CREB5: variants seen among roughly 807,000 people sequenced by gnomAD.
The protein encoded by CREB5 is cAMP responsive element binding protein 5, also known as cyclic AMP-responsive element-binding protein 5.
A neutral mutation model predicts 57.1 loss-of-function variants in CREB5; 19 were observed. That is an observed-to-expected ratio of 0.33 (90% CI 0.23 to 0.49). CREB5 has a LOEUF of 0.49. CREB5 is among the 20% of genes least tolerant of loss of function. The pLI is 0.99. For missense variants in CREB5, 579 were observed against 671.6 expected (o/e 0.86, Z 1.52); for synonymous variants, 238 against 238.3 (o/e 1.00, Z 0.01).
intron 3 of CREB5, among the ~76,000 whole-genome samples, chr7:28,505,000 C>G (rs1247819766): frequency 1.3e-5 from 2 of 152,122 alleles, no homozygotes; most frequent in Admixed American, 6.5e-5. Flanking sequence ...ACTTGTGGAT[C>G]GATCCAGCAG....
chr7:28,560,881 T>TGCGCGTGCGTGC (rs1388491335), intron 4 of CREB5, among the ~76,000 whole-genome samples: 1 of 46,206 alleles, frequency 2.2e-5, no homozygotes, highest in Non-Finnish European at 4.1e-5. Flanking sequence ...TGCGCGTGCG[T>TGCGCGTGCGTGC]GCGTGCGTGT....
At chr7:28,434,584 A>T (rs990472979) in intron 1 of CREB5, among the ~76,000 whole-genome samples, 27 of 152,200 alleles carry the variant, frequency 1.8e-4, no homozygotes, top group African/African-American at 5.8e-4. Context: ...GATTATTGTA[A>T]CTCAATAATT....
intron 5 of CREB5, among the ~76,000 whole-genome samples, chr7:28,638,245 A>G (rs765653524): frequency 1.4e-5 from 2 of 143,634 alleles, no homozygotes; most frequent in African/African-American, 5.3e-5. Flanking sequence ...TCAAATTGCT[A>G]TCTTAAAGAA....
At chr7:28,802,968 T>A (rs777626137) in intron 7 of CREB5, among the ~76,000 whole-genome samples, 1 of 152,268 alleles carries the variant, frequency 6.6e-6, no homozygotes, top group South Asian at 2.1e-4. Flanking sequence ...ATTTATACAT[T>A]GTCTGCAGCT....
chr7:28,517,858 G>A (rs963999076), intron 4 of CREB5, among the ~76,000 whole-genome samples: 5 of 152,168 alleles, frequency 3.3e-5, no homozygotes, highest in Non-Finnish European at 7.3e-5. Flanking sequence ...GTTCTCGGGT[G>A]AAGCAGAATT....
chr7:28,453,988 C>T lies in CREB5; in HGVS notation c.4-34187C>T, dbSNP rs565726979. On this transcript the variant is annotated intron_variant, in intron 1 of 10. Coordinates refer to ENST00000357727, the MANE Select transcript of CREB5 (RefSeq NM_182898.4). ...TTTTTTTTTGAGATGGAGTCTCGCT[C>T]TGTCGCCCAGGCTGGAGTGCAGTGG... Among the ~76,000 whole-genome samples the T allele has an allele frequency of 1.7e-3, 173 of 101,980 alleles. 3 individuals carry two copies. The highest frequency in any genetic ancestry group is 5.6e-3 in the African/African-American group (169 of 30,086). 66.9% of individuals were successfully genotyped at this position (101,980 alleles called of 152,430 possible).
At chr7:28,540,513 A>T (rs11773470) in intron 4 of CREB5, among the ~76,000 whole-genome samples, 21,262 of 151,964 alleles carry the variant, frequency 0.14, 1,797 homozygotes, top group East Asian at 0.25. Flanking sequence ...AGGCTTCATG[A>T]TTTCCCCTGG....
chr7:28,659,851 T>C (rs977755273), intron 5 of CREB5, among the ~76,000 whole-genome samples: 1 of 152,080 alleles, frequency 6.6e-6, no homozygotes, highest in African/African-American at 2.4e-5. Flanking sequence ...TATATTAAAC[T>C]ATAACAGCAC....
intron 1 of CREB5, among the ~76,000 whole-genome samples, chr7:28,486,695 T>TATA (rs1282046289): frequency 9.1e-5 from 12 of 132,572 alleles, no homozygotes; most frequent in South Asian, 2.4e-4. Context: ...TATATATATG[T>TATA]TACTGTGTGG....
intron 7 of CREB5, among the ~76,000 whole-genome samples, chr7:28,761,203 C>A (rs541000577): frequency 3.4e-4 from 52 of 152,116 alleles, no homozygotes; most frequent in Non-Finnish European, 7.1e-4. Context: ...GCCCAATGAT[C>A]CCAAGTTTAA....
At chr7:28,533,462 G>A (rs554291656) in intron 4 of CREB5, among the ~76,000 whole-genome samples, 2 of 152,298 alleles carry the variant, frequency 1.3e-5, no homozygotes, top group South Asian at 2.1e-4. Flanking sequence ...CTTTCCTGTC[G>A]TGCGTACCTG....
At chr7:28,608,661 A>G (rs1797272114) in intron 5 of CREB5, among the ~76,000 whole-genome samples, 1 of 152,210 alleles carries the variant, frequency 6.6e-6, no homozygotes, top group Non-Finnish European at 1.5e-5. Context: ...CTTTAAAACT[A>G]TTTTAAAAAT....
Position 28,699,358 on chromosome 7 carries a change from TTAAATC to T in CREB5, c.465-19392_465-19387del, listed in dbSNP as rs1180008110. On this transcript the variant is annotated intron_variant, in intron 5 of 10. Coordinates refer to ENST00000357727, the MANE Select transcript of CREB5 (RefSeq NM_182898.4). ...ATCGTAGACCAAGAAAAAGCTATCT[TTAAATC>T]TATATGTTTTAATTCTATGCTGGAA... Among the ~76,000 whole-genome samples the T allele has an allele frequency of 2.0e-5, 3 of 152,324 alleles. No individual in the cohort carries two copies. The East Asian group carries it at 5.8e-4, about 29-fold the overall frequency.
chr7:28,479,504 A>AT, intron 1 of CREB5, among the ~76,000 whole-genome samples: 1 of 152,280 alleles, frequency 6.6e-6, no homozygotes, highest in East Asian at 1.9e-4. Context: ...ATGGCATGAG[A>AT]TTTTTGCCTT....
chr7:28,317,946 G>A (rs1785412984), intron 1 of CREB5, among the ~76,000 whole-genome samples: 1 of 152,098 alleles, frequency 6.6e-6, no homozygotes. Context: ...GAGAAAGATG[G>A]CTCTTGAATC....
At chr7:28,466,651 T>C (rs1452268202) in intron 1 of CREB5, among the ~76,000 whole-genome samples, 1 of 152,096 alleles carries the variant, frequency 6.6e-6, no homozygotes, top group Non-Finnish European at 1.5e-5. Context: ...ATCCCAAATA[T>C]GCCCTGAATG....
intron 1 of CREB5, among the ~76,000 whole-genome samples, chr7:28,372,072 C>T (rs1257572159): frequency 6.6e-6 from 1 of 152,132 alleles, no homozygotes; most frequent in Non-Finnish European, 1.5e-5. Flanking sequence ...ATGCTGTTAG[C>T]AGTGGGGAAC....
At chr7:28,396,134 T>C (rs758540667) in intron 1 of CREB5, among the ~76,000 whole-genome samples, 13 of 152,200 alleles carry the variant, frequency 8.5e-5, no homozygotes, top group Admixed American at 5.2e-4. Context: ...TGTCACATTT[T>C]AATGATGAAT....
intron 2 of CREB5, among the ~76,000 whole-genome samples, chr7:28,494,047 C>T (rs2128598169): frequency 6.6e-6 from 1 of 152,280 alleles, no homozygotes; most frequent in South Asian, 2.1e-4. Context: ...CTTCTTTCAT[C>T]ATGTATATCT....
Sources: gnomAD v4.1 joint callset for allele counts (sites outside exome capture counted in the v4.1 genomes callset) on GRCh38, gnomAD v4.1.1 for gene constraint, MANE v1.5 for transcripts, NCBI Gene and HGNC (gene_info 2026-07-23, HGNC 2026-07-21) for gene names.